KIF26B: variants seen among roughly 807,000 people sequenced by gnomAD.
KIF26B encodes kinesin-like protein KIF26B.
KIF26B carries 63 observed loss-of-function variants against 151.2 expected under a neutral mutation model. The ratio of observed to expected loss-of-function variants is 0.42; its 90% CI spans 0.34 to 0.51. KIF26B has a LOEUF of 0.51. Among genes scored for constraint, KIF26B ranks in the 20% least tolerant of loss-of-function variants. The pLI is 0.07. For missense variants in KIF26B, 2,813 were observed against 2,913.6 expected, an observed-to-expected ratio of 0.97 and a Z score of 0.79; for synonymous variants, 1,357 against 1,262.1, an observed-to-expected ratio of 1.08 and a Z score of -1.59.
intron 4 of KIF26B, among the ~76,000 whole-genome samples, chr1:245,449,601 T>C (rs1474266200): frequency 2.6e-5 from 4 of 152,194 alleles, no homozygotes; most frequent in Non-Finnish European, 4.4e-5. Flanking sequence ...TAAGTGAATA[T>C]GAGCTGGGAA....
intron 4 of KIF26B, among the ~76,000 whole-genome samples, chr1:245,465,643 C>G (rs1258356198): frequency 6.6e-6 from 1 of 152,186 alleles, no homozygotes; most frequent in Non-Finnish European, 1.5e-5. Flanking sequence ...TCCCTGGGGT[C>G]CTGGCAGAAA....
chr1:245,566,579 G>A (rs1256976084), intron 5 of KIF26B, among the ~76,000 whole-genome samples: 1 of 152,244 alleles, frequency 6.6e-6, no homozygotes, highest in African/African-American at 2.4e-5. Context: ...GGACAGCATT[G>A]CGATCACTTT....
intron 14 of KIF26B, among the ~76,000 whole-genome samples, chr1:245,699,461 G>T (rs1232811554): frequency 6.8e-6 from 1 of 146,038 alleles, no homozygotes. Flanking sequence ...GCCACGCAGA[G>T]AACCCAGAAA....
intron 5 of KIF26B, among the ~76,000 whole-genome samples, chr1:245,590,594 T>C (rs983109033): frequency 2.6e-5 from 4 of 151,946 alleles, no homozygotes; most frequent in African/African-American, 9.7e-5. Flanking sequence ...AAGACCTTAG[T>C]GTAACCCGCG....
At chr1:245,160,359 T>C (rs1201429042) in intron 2 of KIF26B, among the ~76,000 whole-genome samples, 14 of 152,234 alleles carry the variant, frequency 9.2e-5, no homozygotes, top group Admixed American at 9.2e-4. Context: ...TTACCCACTG[T>C]AGCCTTCCAG....
rs11441294 is a variant in KIF26B, at chr1:245,167,327, A to AT, written c.465+10652dup. ...TGAGGTCTGTATATGCTAATTCAGG[A>AT]TTTTTTTTCTGAGCTAACCTAGGAA... is the stretch of plus-strand genomic sequence containing the variant. On this transcript the variant is annotated intron_variant, in intron 2 of 14. Coordinates refer to ENST00000407071, the MANE Select transcript of KIF26B (RefSeq NM_018012.4). This position sits in a 1 kb window ranked among gnomAD's most constrained non-coding sequence, Gnocchi z 4.2. Among the ~76,000 whole-genome samples, 7,722 of 151,862 alleles carry AT rather than the reference A, an allele frequency of 0.051. 214 individuals carry two copies. The highest frequency in any genetic ancestry group is 0.082 in the Middle Eastern group (24 of 294).
chr1:245,438,669 T>C (rs1042343738), intron 4 of KIF26B, among the ~76,000 whole-genome samples: 1 of 151,688 alleles, frequency 6.6e-6, no homozygotes, highest in Non-Finnish European at 1.5e-5. Flanking sequence ...GATAAATGAA[T>C]AGACAAAAAA....
chr1:245,657,685 CG>C (rs2147930268), intron 10 of KIF26B, among the ~76,000 whole-genome samples: 1 of 152,226 alleles, frequency 6.6e-6, no homozygotes, highest in South Asian at 2.1e-4. Flanking sequence ...CATGCTTTGC[CG>C]ATGCCGATTC....
chr1:245,417,268 A>G (rs537443299), intron 3 of KIF26B, among the ~76,000 whole-genome samples: 1 of 151,614 alleles, frequency 6.6e-6, no homozygotes, highest in Admixed American at 6.6e-5. Context: ...ATTTTTTTCT[A>G]TATATCACAT....
chr1:245,218,004 G>T lies in KIF26B; in HGVS notation c.465+61321G>T, dbSNP rs1391220843. On this transcript the variant is annotated intron_variant, in intron 2 of 14. Transcript: ENST00000407071. The surrounding 1 kb of genome is among the most constrained non-coding windows in gnomAD (Gnocchi z 4.1). ...TGCTGGTGGAACTGGGCTTAGTCCT[G>T]CATTCTTTCCAAAGCCCCCATGCGG... 6.6e-6 allele frequency among the ~76,000 whole-genome samples: 1 copy of T among 152,172 alleles called. No homozygotes were observed. Among genetic ancestry groups the T allele is most frequent in the Non-Finnish European group, 1.5e-5 (1 of 68,034 alleles).
intron 4 of KIF26B, among the ~76,000 whole-genome samples, chr1:245,458,973 G>A (rs1300407768): frequency 6.6e-6 from 1 of 152,160 alleles, no homozygotes; most frequent in Non-Finnish European, 1.5e-5. Flanking sequence ...ATCAATGTTT[G>A]GAACAGTTGG....
chr1:245,513,116 A>C (rs79856122), intron 4 of KIF26B, among the ~76,000 whole-genome samples: 11,066 of 151,710 alleles, frequency 0.073, 761 homozygotes, highest in East Asian at 0.37. Context: ...TCTGCTCACT[A>C]ACAGAGGAAG....
intron 2 of KIF26B, among the ~76,000 whole-genome samples, chr1:245,302,171 C>T (rs1291872545): frequency 6.6e-6 from 1 of 152,200 alleles, no homozygotes; most frequent in Non-Finnish European, 1.5e-5. Context: ...ATGAATGTGA[C>T]ATCAGTCTAT....
intron 5 of KIF26B, among the ~76,000 whole-genome samples, chr1:245,598,739 T>A (rs2043360033): frequency 6.6e-6 from 1 of 152,124 alleles, no homozygotes; most frequent in South Asian, 2.1e-4. Context: ...GCTGAACTGA[T>A]TAATGAGCAG....
intron 5 of KIF26B, among the ~76,000 whole-genome samples, chr1:245,600,798 G>C (rs2043388220): frequency 6.6e-6 from 1 of 152,160 alleles, no homozygotes; most frequent in Admixed American, 6.5e-5. Context: ...CATTCACTGA[G>C]TTTGCACAGC....
intron 4 of KIF26B, among the ~76,000 whole-genome samples, chr1:245,425,112 A>G (rs905507688): frequency 2.6e-5 from 4 of 151,538 alleles, no homozygotes; most frequent in Non-Finnish European, 4.4e-5. Context: ...GAAAATGGTG[A>G]AGTAGGGTAT....
At chr1:245,464,594 TG>T (rs960669985) in intron 4 of KIF26B, among the ~76,000 whole-genome samples, 3 of 133,802 alleles carry the variant, frequency 2.2e-5, no homozygotes, top group African/African-American at 8.7e-5. Flanking sequence ...CGTGTGTGGG[TG>T]TGTGCTGTGC....
intron 2 of KIF26B, among the ~76,000 whole-genome samples, chr1:245,225,316 T>C (rs1052829686): frequency 7.9e-5 from 12 of 152,294 alleles, no homozygotes; most frequent in Admixed American, 3.9e-4. Context: ...CCCTTTGCCA[T>C]AGGAAACTAT....
intron 4 of KIF26B, among the ~76,000 whole-genome samples, chr1:245,489,766 TCTTTA>T (rs1325429533): frequency 2.0e-5 from 3 of 152,368 alleles, no homozygotes; most frequent in African/African-American, 7.2e-5. Context: ...GAACACTTTC[TCTTTA>T]GACATTGCTA....
Sources: allele counts gnomAD v4.1 joint callset (sites outside exome capture counted in the v4.1 genomes callset), GRCh38; gene constraint gnomAD v4.1.1; non-coding constraint Gnocchi (gnomAD v3.1); transcripts MANE v1.5; gene names NCBI Gene and HGNC (gene_info 2026-07-23, HGNC 2026-07-21).